The following FGFR1 variants were observed in gnomAD, a reference collection of about 807,000 sequenced individuals.
FGFR1 encodes the protein FGFR1/PLAG1 fusion.
A neutral mutation model predicts 93.7 loss-of-function variants in FGFR1; 18 were observed. The observed-to-expected ratio is 0.19, with a 90% CI of 0.13 to 0.28. The LOEUF is 0.28. Ranked by LOEUF, FGFR1 falls within the 10% of genes least tolerant of loss-of-function variation. The pLI, the probability that FGFR1 is intolerant of heterozygous loss-of-function variation, is 1.00. For synonymous variants in FGFR1, 448 were observed against 429.3 expected (o/e 1.04, Z -0.54); for missense variants, 731 against 1,080.4 (o/e 0.68, Z 4.53).
chr8:38,446,228 T>A (rs989259090), intron 2 of FGFR1, among the ~76,000 whole-genome samples: 3 of 141,038 alleles, frequency 2.1e-5, no homozygotes, highest in Non-Finnish European at 3.0e-5. Flanking sequence ...TTTTTTTTTT[T>A]AAAGAGGAAG....
intron 1 of FGFR1, chr8:38,465,441 A>G: frequency 4.3e-6 from 1 of 232,160 alleles, no homozygotes; most frequent in Non-Finnish European, 8.5e-6. Flanking sequence ...AATGCAACAG[A>G]TATTTCAAGC....
intron 2 of FGFR1, among the ~76,000 whole-genome samples, chr8:38,450,681 CAG>C (rs1451044264): frequency 6.6e-6 from 1 of 152,206 alleles, no homozygotes; most frequent in Non-Finnish European, 1.5e-5. Context: ...GAAACCCTGA[CAG>C]AGTCTTTGTT....
At chr8:38,466,732 T>C (rs1175393980) in intron 1 of FGFR1, 1 of 185,850 alleles carries the variant, frequency 5.4e-6, no homozygotes, top group East Asian at 8.4e-5. Flanking sequence ...AAGTTAATAA[T>C]GCGGCTGCGG....
chr8:38,438,816 C>T (rs540445572), intron 2 of FGFR1, among the ~76,000 whole-genome samples: 4 of 152,288 alleles, frequency 2.6e-5, no homozygotes, highest in Admixed American at 2.6e-4. Flanking sequence ...AATGGCACCC[C>T]CTGCATCCTA....
chr8:38,414,741 T>G, intron 14 of FGFR1, 38 bp downstream of exon 14: 1 of 1,613,918 alleles, frequency 6.2e-7, no homozygotes. Context: ...GCTTCTCAGA[T>G]GAAACCACCA....
At position 38,444,051 on chromosome 8, in the gene FGFR1, CAAAAAA is replaced by C. The variant is rs746296068; in HGVS notation, c.91+13299_91+13304del. On this transcript the variant is annotated intron_variant, in intron 2 of 17. Transcript: ENST00000447712. ...CTGGGCAACAAGAATGAAACTGTCTCAAAAAAAAAAAAAAAAAAAAAAAAAAGAATC... is the reference window on the plus strand; with the variant it reads ...CTGGGCAACAAGAATGAAACTGTCTCAAAAAAAAAAAAAAAAAAAAGAATC... 3.6e-3 allele frequency among the ~76,000 whole-genome samples: 268 copies of C among 74,346 alleles called. 3 individuals carry two copies. The highest frequency in any genetic ancestry group is 7.4e-3 in the Middle Eastern group (1 of 136). 48.8% of individuals were successfully genotyped at this position (74,346 alleles called of 152,430 possible).
At chr8:38,452,029 G>A (rs915630975) in intron 2 of FGFR1, among the ~76,000 whole-genome samples, 2 of 152,144 alleles carry the variant, frequency 1.3e-5, no homozygotes, top group African/African-American at 4.8e-5. Context: ...GGAGGGGAAG[G>A]AGAGGGAGAG....
chr8:38,467,174 C>A (rs952411052), intron 1 of FGFR1, among the ~76,000 whole-genome samples: 1 of 152,100 alleles, frequency 6.6e-6, no homozygotes, highest in Non-Finnish European at 1.5e-5. Flanking sequence ...GGTCCTTCCG[C>A]CCCCATCCCA....
At chr8:38,460,275 GA>G (rs1282105738) in intron 1 of FGFR1, among the ~76,000 whole-genome samples, 1 of 152,196 alleles carries the variant, frequency 6.6e-6, no homozygotes, top group African/African-American at 2.4e-5. Flanking sequence ...AGCTGGGATA[GA>G]AGCAGTGCTT....
chr8:38,432,512 A>G (rs1278629063), intron 2 of FGFR1, among the ~76,000 whole-genome samples: 1 of 149,956 alleles, frequency 6.7e-6, no homozygotes, highest in Non-Finnish European at 1.5e-5. Flanking sequence ...TCCCGGGTTC[A>G]AGTGATTCTC....
In FGFR1 at chr8:38,413,911, G is replaced by C. The variant is rs758339769; in HGVS notation, c.2292+7C>G. The C allele has an allele frequency of 1.9e-6, 3 of 1,613,844 alleles. No homozygotes were observed. Among genetic ancestry groups the C allele is most frequent in the Non-Finnish European group, 2.5e-6 (3 of 1,179,856 alleles). ...CTGAGCTCTGGCTCTGGCACGGGCAGCCTTACCTGGTTGGAGGTCAAGGCC... is the reference window on the plus strand; with the variant it reads ...CTGAGCTCTGGCTCTGGCACGGGCACCCTTACCTGGTTGGAGGTCAAGGCC... On this transcript the variant is annotated splice_region_variant and intron_variant, in intron 17 of 17. Transcript: ENST00000447712. This position sits in a 1 kb window ranked among gnomAD's most constrained non-coding sequence, Gnocchi z 4.2.
rs1194250082 is a variant in FGFR1, at chr8:38,424,404, T to C, written c.936+105A>G. 1 of 1,214,458 alleles carries C rather than the reference T, an allele frequency of 8.2e-7. No homozygotes were observed. The highest frequency in any genetic ancestry group is 2.3e-5 in the East Asian group (1 of 42,764). The allele number at this position is 1,214,458 out of a possible 1,614,324, so 75.2% of individuals were successfully genotyped here. ...GTGTGTGTGCCTGAAGCGTGAGGAA[T>C]GATCCCATTCGGGGGCAACTGAGCC... On this transcript the variant is annotated intron_variant, in intron 7 of 17. Coordinates refer to ENST00000447712, the MANE Select transcript of FGFR1 (RefSeq NM_023110.3). The surrounding 1 kb of genome is among the most constrained non-coding windows in gnomAD (Gnocchi z 4.3).
chr8:38,434,337 T>A, intron 2 of FGFR1: 2 of 199,882 alleles, frequency 1.0e-5, no homozygotes, highest in Middle Eastern at 2.2e-3. Flanking sequence ...TGCTTTTTTT[T>A]TTTTTTTTTA....
At chr8:38,461,154 G>GTTGT in intron 1 of FGFR1, 1 of 1,535,774 alleles carries the variant, frequency 6.5e-7, no homozygotes, top group Non-Finnish European at 8.7e-7. Flanking sequence ...GAAAGTGCCT[G>GTTGT]CTGTCTTCTC....
rs772294814 is a variant in FGFR1 at position 38,440,358 on chromosome 8, G to A, written c.92-10410C>T. On this transcript the variant is annotated intron_variant, in intron 2 of 17. Coordinates refer to ENST00000447712, the MANE Select transcript of FGFR1 (RefSeq NM_023110.3). ...GCAGAAGCATCTCACCGAAATCCCG[G>A]GTCACAGCTGCCATCCTACAAGGGT... The A allele has an allele frequency of 1.9e-6, 3 of 1,599,728 alleles. No homozygotes were observed. The East Asian group carries it at 6.8e-5, about 36-fold the overall frequency.
At position 38,457,275 on chromosome 8, in the gene FGFR1, C is replaced by A. The variant is rs1434658601; in HGVS notation, c.91+81G>T. The A allele has an allele frequency of 2.0e-5, 30 of 1,498,068 alleles. No individual in the cohort carries two copies. In the East Asian group the frequency reaches 6.6e-4, roughly 33 times the overall value. 92.8% of individuals were successfully genotyped at this position (1,498,068 alleles called of 1,614,324 possible). ...GGAGCCTTCCCTGTTGACCACATCA[C>A]CTGCAACCATATCACCTCCCTCCCA... On this transcript the variant is annotated intron_variant, in intron 2 of 17. Coordinates refer to ENST00000447712, the MANE Select transcript of FGFR1 (RefSeq NM_023110.3).
chr8:38,414,819 C>T lies in FGFR1; in HGVS notation c.1937G>A (p.Arg646Gln), dbSNP rs1484920710. ...VMKIADFGLA[R>Q]DIHHIDYYKK... ...ATAGTAGTCGATGTGGTGAATGTCCCGTGCGAGGCCAAAGTCTGCTATCTT... is the reference window on the plus strand; with the variant it reads ...ATAGTAGTCGATGTGGTGAATGTCCTGTGCGAGGCCAAAGTCTGCTATCTT... Residue 646 changes from arginine (R) to glutamine (Q), a missense_variant, in exon 14 of 18, where the codon CGG becomes CAG. Arg to Gln is a conservative substitution (Grantham distance 43). Around this residue, in one of 10 missense-constraint regions of FGFR1, gnomAD observed 44 missense variants for 99.9 expected, o/e 0.44. Coordinates refer to ENST00000447712, the MANE Select transcript of FGFR1 (RefSeq NM_023110.3). The T allele has an allele frequency of 1.2e-6, 2 of 1,613,902 alleles. No individual in the cohort carries two copies. The highest frequency in any genetic ancestry group is 8.5e-7 in the Non-Finnish European group (1 of 1,180,038).
At chr8:38,423,182 C>G in intron 7 of FGFR1, 1 of 778,816 alleles carries the variant, frequency 1.3e-6, no homozygotes, top group South Asian at 1.3e-5. Flanking sequence ...AATGCTGGAA[C>G]AAACCAACGA....
At chr8:38,423,338 C>T (rs1270843790) in intron 7 of FGFR1, 8 of 432,012 alleles carry the variant, frequency 1.9e-5, no homozygotes, top group East Asian at 4.5e-5. Context: ...TTTTTTTTAA[C>T]GCAGAGTCTC....
Sources: allele counts gnomAD v4.1 joint callset (sites outside exome capture counted in the v4.1 genomes callset), GRCh38; gene constraint gnomAD v4.1.1; regional missense constraint gnomAD v4.1.1; non-coding constraint Gnocchi (gnomAD v3.1); transcripts MANE v1.5; gene names NCBI Gene and HGNC (gene_info 2026-07-23, HGNC 2026-07-21).